The following L2HGDH variants were observed in gnomAD, a reference collection of about 807,000 sequenced individuals.
The protein encoded by L2HGDH is L-2-hydroxyglutarate dehydrogenase, mitochondrial.
L2HGDH carries 34 observed loss-of-function variants against 51.5 expected under a neutral mutation model. The ratio of observed to expected loss-of-function variants is 0.66; its 90% CI spans 0.50 to 0.88. The LOEUF (loss-of-function observed/expected upper bound fraction) is 0.88. Ranked by LOEUF, L2HGDH falls within the 40% of genes least tolerant of loss-of-function variation. The pLI, the probability that L2HGDH is intolerant of heterozygous loss-of-function variation, is 0.00. For synonymous variants in L2HGDH, 198 were observed against 197.9 expected (o/e 1.00, Z -0.01); for missense variants, 558 against 571.9 (o/e 0.98, Z 0.25).
intron 4 of L2HGDH, among the ~76,000 whole-genome samples, chr14:50,288,920 T>C (rs1331060635): frequency 3.3e-5 from 5 of 152,254 alleles, no homozygotes; most frequent in Non-Finnish European, 7.3e-5. Context: ...TAATTTGGTC[T>C]TTAAATCTGT....
intron 3 of L2HGDH, among the ~76,000 whole-genome samples, chr14:50,295,024 G>A (rs2029948987): frequency 6.6e-6 from 1 of 152,066 alleles, no homozygotes; most frequent in East Asian, 1.9e-4. Context: ...AACAGAAGTG[G>A]AATCAAAGGA....
At chr14:50,295,727 A>AT (rs1015053621) in intron 3 of L2HGDH, among the ~76,000 whole-genome samples, 2 of 139,016 alleles carry the variant, frequency 1.4e-5, no homozygotes, top group South Asian at 2.3e-4. Context: ...CAGCCCTACA[A>AT]TTTTTTTTTC....
intron 5 of L2HGDH, among the ~76,000 whole-genome samples, chr14:50,280,229 C>G (rs867576240): frequency 1.1e-4 from 16 of 149,636 alleles, no homozygotes; most frequent in South Asian, 4.3e-4. Context: ...TGCGCTGGTG[C>G]AATATCAGCT....
intron 3 of L2HGDH, among the ~76,000 whole-genome samples, chr14:50,294,660 C>T (rs1352712852): frequency 6.6e-6 from 1 of 152,150 alleles, no homozygotes; most frequent in Non-Finnish European, 1.5e-5. Context: ...TGTAAAATAT[C>T]AGCACATCAG....
intron 4 of L2HGDH, among the ~76,000 whole-genome samples, chr14:50,287,504 TGAAA>T: frequency 6.6e-6 from 1 of 152,122 alleles, no homozygotes; most frequent in African/African-American, 2.4e-5. Context: ...ATCTTACATT[TGAAA>T]GACTTTTCAT....
At chr14:50,254,995 C>T (rs1888577590) in intron 9 of L2HGDH, among the ~76,000 whole-genome samples, 1 of 152,036 alleles carries the variant, frequency 6.6e-6, no homozygotes, top group African/African-American at 2.4e-5. Context: ...TGCAGTTGAG[C>T]TGTGATCACA....
chr14:50,303,227 T>G (rs549112912), intron 1 of L2HGDH, among the ~76,000 whole-genome samples: 36 of 151,692 alleles, frequency 2.4e-4, no homozygotes, highest in African/African-American at 8.0e-4. Context: ...ATCGAGACCA[T>G]CCTGGCCAAC....
chr14:50,306,065 T>C (rs1323619231), intron 1 of L2HGDH, among the ~76,000 whole-genome samples: 1 of 141,030 alleles, frequency 7.1e-6, no homozygotes, highest in South Asian at 2.3e-4. Context: ...TTTTTTTTTT[T>C]CGGTGAGATG....
Position 50,242,588 on chromosome 14 carries a change from G to A in L2HGDH, c.*4470C>T, listed in dbSNP as rs1887848675. ...GTATCAACACTGTTCTTCCCTTCAG[G>A]GCTTCAGGGTTTATTTCCATTCTTA... On this transcript the variant is annotated 3_prime_UTR_variant, in exon 10 of 10. Coordinates refer to ENST00000267436, the MANE Select transcript of L2HGDH (RefSeq NM_024884.3). The A allele has an allele frequency of 2.0e-6, 2 of 984,330 alleles. No individual in the cohort carries two copies. Among genetic ancestry groups the A allele is most frequent in the African/African-American group, 3.5e-5 (2 of 57,242 alleles). The allele number at this position is 984,330 out of a possible 1,614,324, so 61.0% of individuals were successfully genotyped here. A position where few individuals can be genotyped will look rare whatever the true frequency, so the allele number is the denominator to read the frequency against.
chr14:50,265,457 G>T lies in L2HGDH; in HGVS notation c.1097C>A (p.Ser366Tyr), dbSNP rs1014146268. The change falls in exon 9 of 10, where the codon TCC becomes TAC. Residue 366 changes from serine (S) to tyrosine (Y), a missense_variant. Physicochemically the swap from Ser to Tyr is moderately radical, Grantham distance 144. Coordinates refer to ENST00000267436, the MANE Select transcript of L2HGDH (RefSeq NM_024884.3). Reference protein sequence around the residue: ...GLIKLASQNFSYGVTEMYKAC... With the variant: ...GLIKLASQNFYYGVTEMYKAC... Reference sequence around the variant, plus strand: ...TTTATACATTTCAGTAACTCCATAGGAAAAATTCTGGGATGCCAGTTTAAT... The same window carrying T: ...TTTATACATTTCAGTAACTCCATAGTAAAAATTCTGGGATGCCAGTTTAAT... 2 of 1,613,218 alleles carry T rather than the reference G, an allele frequency of 1.2e-6. No individual in the cohort carries two copies. The highest frequency in any genetic ancestry group is 3.3e-5 in the Admixed American group (2 of 60,014).
In L2HGDH at chr14:50,278,572, G is replaced by A; in HGVS notation, c.704-18C>T. 7.6e-7 allele frequency: 1 copy of A among 1,310,326 alleles called. No homozygotes were observed. The highest frequency in any genetic ancestry group is 1.8e-5 in the Admixed American group (1 of 54,934). 81.2% of individuals were successfully genotyped at this position (1,310,326 alleles called of 1,614,324 possible). A position where few individuals can be genotyped will look rare whatever the true frequency, so the allele number is the denominator to read the frequency against. ...TTGCATTCCTGAAAAAAAAGAATAA[G>A]TGAAAAATTTATTTTTAGCAAAAGG... On this transcript the variant is annotated intron_variant, in intron 5 of 9. Coordinates refer to ENST00000267436, the MANE Select transcript of L2HGDH (RefSeq NM_024884.3).
chr14:50,254,818 C>T (rs1166064540), intron 9 of L2HGDH, among the ~76,000 whole-genome samples: 2 of 151,910 alleles, frequency 1.3e-5, no homozygotes, highest in Non-Finnish European at 2.9e-5. Context: ...GCAGGTGGAT[C>T]ACTTGAACAC....
chr14:50,269,456 A>G, intron 6 of L2HGDH, 126 bp from the exon 7 acceptor site: 1 of 873,530 alleles, frequency 1.1e-6, no homozygotes, highest in East Asian at 2.6e-5. Context: ...AGGATATTCA[A>G]TACAGGTATC....
At chr14:50,296,929 A>C (rs1234872605) in intron 3 of L2HGDH, among the ~76,000 whole-genome samples, 4 of 152,232 alleles carry the variant, frequency 2.6e-5, no homozygotes, top group South Asian at 2.1e-4. Flanking sequence ...ACCATGACCA[A>C]GAGGGATTTA....
intron 4 of L2HGDH, among the ~76,000 whole-genome samples, chr14:50,288,656 C>T (rs138038370): frequency 0.013 from 1,987 of 152,306 alleles, 46 homozygotes; most frequent in African/African-American, 0.046. Context: ...ATCTCGAACT[C>T]CTGACCTCAG....
At chr14:50,247,315 GT>G (rs1265721852) in intron 9 of L2HGDH, 62 bp from the exon 10 acceptor site, 5 of 1,572,712 alleles carry the variant, frequency 3.2e-6, no homozygotes, top group Non-Finnish European at 3.5e-6. Flanking sequence ...ACAAGTCAGC[GT>G]TTCCAAAAAG....
rs909381156 is a variant in L2HGDH at position 50,287,366 on chromosome 14, A to G, written c.541-3333T>C. ...CAACAGGCAACAATCAGATAGACCA[A>G]TTCTCCAAATTTCAGTACCATTAGG... On this transcript the variant is annotated intron_variant, in intron 4 of 9. Coordinates refer to ENST00000267436, the MANE Select transcript of L2HGDH (RefSeq NM_024884.3). 4.2e-6 allele frequency: 4 copies of G among 942,710 alleles called. No homozygotes were observed. The African/African-American group carries it at 7.1e-5, about 17-fold the overall frequency. 58.4% of individuals were successfully genotyped at this position (942,710 alleles called of 1,614,324 possible). A position where few individuals can be genotyped will look rare whatever the true frequency, so the allele number is the denominator to read the frequency against.
chr14:50,303,239 T>C (rs1011265674), intron 1 of L2HGDH, among the ~76,000 whole-genome samples: 2 of 151,834 alleles, frequency 1.3e-5, no homozygotes, highest in African/African-American at 2.4e-5. Flanking sequence ...CTGGCCAACA[T>C]GGTGAAACCC....
At chr14:50,254,972 TGGCGGTAGAGGCTGCA>T (rs1175665977) in intron 9 of L2HGDH, among the ~76,000 whole-genome samples, 3 of 151,906 alleles carry the variant, frequency 2.0e-5, no homozygotes. Context: ...CTTGAGCTAA[TGGCGGTAGAGGCTGCA>T]GTTGAGCTGT....
Sources: gnomAD v4.1 joint callset for allele counts (sites outside exome capture counted in the v4.1 genomes callset) on GRCh38, gnomAD v4.1.1 for gene constraint, MANE v1.5 for transcripts, NCBI Gene and HGNC (gene_info 2026-07-23, HGNC 2026-07-21) for gene names.